Variants in BCL2L1 observed in about 807,000 individuals in gnomAD.
BCL2L1 encodes BCL2 like 1.
A neutral mutation model predicts 18.7 loss-of-function variants in BCL2L1; 1 was observed. That is an observed-to-expected ratio of 0.05 (90% CI 0.02 to 0.25). BCL2L1 has a LOEUF of 0.25. Among genes scored for constraint, BCL2L1 ranks in the 10% least tolerant of loss-of-function variants. The pLI is 1.00. For missense variants in BCL2L1, 207 were observed against 304.9 expected (o/e 0.68, Z 2.39); for synonymous variants, 103 against 122.7 (o/e 0.84, Z 1.06).
At position 31,722,365 on chromosome 20, in the gene BCL2L1, T is replaced by A. The variant is rs1299269986; in HGVS notation, c.-130-17A>T. 3 of 551,314 alleles carry A rather than the reference T, an allele frequency of 5.4e-6. No individual in the cohort carries two copies. Among genetic ancestry groups the A allele is most frequent in the South Asian group, 1.1e-4 (2 of 18,832 alleles). The allele number at this position is 551,314 out of a possible 1,614,324, so 34.2% of individuals were successfully genotyped here. A position where few individuals can be genotyped will look rare whatever the true frequency, so the allele number is the denominator to read the frequency against. ...GAGAAAGAGCTTCAGGAAAAAAAAA[T>A]AATTAATATGCATGCCATTTACCCT... On this transcript the variant is annotated splice_polypyrimidine_tract_variant and intron_variant, in intron 1 of 2. Transcript: ENST00000307677.
At chr20:31,673,329 C>T (rs903491185) in intron 2 of BCL2L1, among the ~76,000 whole-genome samples, 2 of 151,862 alleles carry the variant, frequency 1.3e-5, no homozygotes, top group Non-Finnish European at 2.9e-5. Flanking sequence ...CTTCCTTGGC[C>T]TCCCAAAGTG....
At chr20:31,719,948 A>G (rs970692473) in intron 2 of BCL2L1, among the ~76,000 whole-genome samples, 1 of 152,184 alleles carries the variant, frequency 6.6e-6, no homozygotes, top group African/African-American at 2.4e-5. Context: ...TCCCTCCTGT[A>G]ATCAGCTGAA....
intron 2 of BCL2L1, among the ~76,000 whole-genome samples, chr20:31,686,026 T>A (rs1337504243): frequency 6.6e-6 from 1 of 152,210 alleles, no homozygotes; most frequent in Non-Finnish European, 1.5e-5. Context: ...TTGACATTGC[T>A]CTGACTTGCA....
intron 2 of BCL2L1, among the ~76,000 whole-genome samples, chr20:31,688,685 G>A (rs2061004018): frequency 6.6e-6 from 1 of 152,028 alleles, no homozygotes; most frequent in African/African-American, 2.4e-5. Context: ...CAGATATACT[G>A]TATTCATATA....
At chr20:31,687,710 C>G (rs906789479) in intron 2 of BCL2L1, among the ~76,000 whole-genome samples, 6 of 148,664 alleles carry the variant, frequency 4.0e-5, no homozygotes, top group African/African-American at 1.5e-4. Context: ...AATTCTCAAA[C>G]TCTTTCCCCG....
At chr20:31,698,380 T>G (rs1373837668) in intron 2 of BCL2L1, among the ~76,000 whole-genome samples, 1 of 151,978 alleles carries the variant, frequency 6.6e-6, no homozygotes, top group Non-Finnish European at 1.5e-5. Flanking sequence ...GTAGCCAAGA[T>G]TATTGGCATG....
intron 2 of BCL2L1, among the ~76,000 whole-genome samples, chr20:31,671,312 GC>G (rs2060665602): frequency 7.2e-5 from 11 of 151,990 alleles, no homozygotes; most frequent in Non-Finnish European, 1.3e-4. Context: ...AGATGCCCAG[GC>G]TAGTATCACT....
At chr20:31,701,210 C>T (rs908293149) in intron 2 of BCL2L1, among the ~76,000 whole-genome samples, 3 of 152,160 alleles carry the variant, frequency 2.0e-5, no homozygotes, top group Non-Finnish European at 2.9e-5. Context: ...CGCGCCACCA[C>T]ACCTGGCTAA....
intron 2 of BCL2L1, among the ~76,000 whole-genome samples, chr20:31,702,634 C>T (rs569286110): frequency 2.6e-5 from 4 of 151,920 alleles, no homozygotes; most frequent in African/African-American, 7.2e-5. Context: ...CTGCCTCAGC[C>T]TCCTGAGTAG....
At chr20:31,719,218 A>G (rs1009270499) in intron 2 of BCL2L1, among the ~76,000 whole-genome samples, 2 of 152,190 alleles carry the variant, frequency 1.3e-5, no homozygotes, top group African/African-American at 4.8e-5. Flanking sequence ...CTGGTTGCAT[A>G]AGTAGAGGAC....
chr20:31,716,588 C>T (rs1371913751), intron 2 of BCL2L1: 3 of 152,176 alleles, frequency 2.0e-5, no homozygotes, highest in Non-Finnish European at 2.9e-5. Flanking sequence ...GGGTCTGTTT[C>T]TTCAGAAATT....
intron 2 of BCL2L1, among the ~76,000 whole-genome samples, chr20:31,702,414 C>T (rs984894701): frequency 2.6e-5 from 4 of 152,072 alleles, no homozygotes; most frequent in Non-Finnish European, 5.9e-5. Flanking sequence ...GGGCAGATCA[C>T]GAGGTCAGGA....
intron 2 of BCL2L1, among the ~76,000 whole-genome samples, chr20:31,702,083 A>T (rs1049742282): frequency 1.3e-5 from 2 of 152,246 alleles, no homozygotes; most frequent in Non-Finnish European, 2.9e-5. Context: ...TGGCTACTTT[A>T]AACTGAAGGT....
At chr20:31,713,679 A>T in intron 2 of BCL2L1, 1 of 760,154 alleles carries the variant, frequency 1.3e-6, no homozygotes, top group Non-Finnish European at 1.6e-6. Flanking sequence ...TCAAAAATCA[A>T]TATGTAAAAA....
chr20:31,690,695 C>T (rs906583506), intron 2 of BCL2L1, among the ~76,000 whole-genome samples: 1 of 152,028 alleles, frequency 6.6e-6, no homozygotes, highest in Non-Finnish European at 1.5e-5. Context: ...CTCAGCTTCC[C>T]AAGGAGCTGG....
At chr20:31,712,263 G>A (rs1410421784) in intron 2 of BCL2L1, among the ~76,000 whole-genome samples, 1 of 152,202 alleles carries the variant, frequency 6.6e-6, no homozygotes, top group African/African-American at 2.4e-5. Context: ...TTAAAAGGGG[G>A]AGGTTGGAAG....
intron 2 of BCL2L1, among the ~76,000 whole-genome samples, chr20:31,671,036 G>GTT (rs1488926708): frequency 2.0e-5 from 3 of 152,086 alleles, no homozygotes; most frequent in African/African-American, 7.2e-5. Flanking sequence ...TGTCACAAAG[G>GTT]TTTCTAGGAG....
chr20:31,720,601 G>T, intron 2 of BCL2L1: 1 of 985,412 alleles, frequency 1.0e-6, no homozygotes, highest in South Asian at 4.7e-5. Context: ...CCCTGGAAAG[G>T]GAATTTGCTG....
chr20:31,721,979 C>A lies in BCL2L1; in HGVS notation c.240G>T (p.Val80=). 1.2e-6 allele frequency: 2 copies of A among 1,614,190 alleles called. No homozygotes were observed. The highest frequency in any genetic ancestry group is 1.7e-6 in the Non-Finnish European group (2 of 1,180,014). ...CTTGCTTTACTGCTGCCATGGGGAT[C>A]ACCTCCCGGGCATCCAAACTGCTGC... ...GHSSSLDARE[V]IPMAAVKQAL... The change falls in exon 2 of 3, where the codon GTG becomes GTT. Residue 80 remains valine (V), a synonymous_variant. Transcript: ENST00000307677.
Sources: gnomAD v4.1 joint callset for allele counts (sites outside exome capture counted in the v4.1 genomes callset) on GRCh38, gnomAD v4.1.1 for gene constraint, MANE v1.5 for transcripts, NCBI Gene and HGNC (gene_info 2026-07-23, HGNC 2026-07-21) for gene names.